FAM81A: variants seen among roughly 807,000 people sequenced by gnomAD.
FAM81A encodes family with sequence similarity 81 member A, also known as protein FAM81A.
In FAM81A, 19 loss-of-function variants were observed where a neutral mutation model predicts 46.7. The observed-to-expected ratio is 0.41, with a 90% CI of 0.28 to 0.60. The LOEUF (loss-of-function observed/expected upper bound fraction) is 0.60. Among genes scored for constraint, FAM81A ranks in the 20% least tolerant of loss-of-function variants. The pLI is 0.34. For missense variants in FAM81A, 377 were observed against 453.5 expected, an observed-to-expected ratio of 0.83 and a Z score of 1.53; for synonymous variants, 183 against 152.9, an observed-to-expected ratio of 1.20 and a Z score of -1.45.
intron 4 of FAM81A, among the ~76,000 whole-genome samples, chr15:59,497,031 C>T (rs1333140530): frequency 6.6e-6 from 1 of 151,474 alleles, no homozygotes; most frequent in East Asian, 2.0e-4. Context: ...GAGGCTGAGG[C>T]AGGAGAATCG....
At chr15:59,514,529 T>A in intron 7 of FAM81A, 105 bp downstream of exon 7, 1 of 1,386,250 alleles carries the variant, frequency 7.2e-7, no homozygotes, top group Non-Finnish European at 9.7e-7. Flanking sequence ...GCTGTTCAAT[T>A]GTTTCTTGCC....
intron 3 of FAM81A, among the ~76,000 whole-genome samples, chr15:59,490,682 A>C (rs1170939259): frequency 6.6e-6 from 1 of 152,092 alleles, no homozygotes; most frequent in Non-Finnish European, 1.5e-5. Flanking sequence ...AAATACAAAA[A>C]AAATTTAGCC....
At chr15:59,412,078 G>A (rs187587845) in intron 2 of FAM81A, among the ~76,000 whole-genome samples, 2,064 of 152,068 alleles carry the variant, frequency 0.014, 27 homozygotes, top group Non-Finnish European at 0.021. Context: ...GAGGGGCAGA[G>A]GGGAGAGGCC....
At chr15:59,424,713 G>A (rs2081188036) in intron 2 of FAM81A, among the ~76,000 whole-genome samples, 2 of 152,112 alleles carry the variant, frequency 1.3e-5, no homozygotes, top group South Asian at 4.1e-4. Context: ...CTCTTTTCCT[G>A]CATCACAAGT....
intron 2 of FAM81A, among the ~76,000 whole-genome samples, chr15:59,418,624 C>G (rs1324423700): frequency 5.3e-5 from 8 of 152,112 alleles, no homozygotes; most frequent in Admixed American, 1.3e-4. Flanking sequence ...TTCATGTTAC[C>G]CAGGCATGGT....
Position 59,518,243 on chromosome 15 carries a change from G to T in FAM81A, c.982+1403G>T, listed in dbSNP as rs889403846. 4.5e-4 allele frequency among the ~76,000 whole-genome samples: 68 copies of T among 151,544 alleles called. 1 individual carries two copies. The highest frequency in any genetic ancestry group is 1.6e-3 in the African/African-American group (64 of 41,244). On this transcript the variant is annotated intron_variant, in intron 8 of 8. Coordinates refer to ENST00000288228, the MANE Select transcript of FAM81A (RefSeq NM_152450.3). ...TCCTCCCGCCTCGGCCTGCTGAAGT[G>T]CTGGGATTACAGGCAAGAGCCACCA...
intron 3 of FAM81A, among the ~76,000 whole-genome samples, chr15:59,466,833 T>G (rs2141664561): frequency 6.6e-6 from 1 of 152,186 alleles, no homozygotes; most frequent in South Asian, 2.1e-4. Flanking sequence ...GTTTTTAGGG[T>G]TTTTAGGTCT....
At chr15:59,484,402 C>T (rs2081892262) in intron 3 of FAM81A, among the ~76,000 whole-genome samples, 1 of 152,164 alleles carries the variant, frequency 6.6e-6, no homozygotes, top group Non-Finnish European at 1.5e-5. Flanking sequence ...AACCAAAAAG[C>T]AGGTAAGCGA....
At chr15:59,455,221 T>C (rs1383014122) in intron 1 of FAM81A, among the ~76,000 whole-genome samples, 1 of 152,128 alleles carries the variant, frequency 6.6e-6, no homozygotes, top group Non-Finnish European at 1.5e-5. Flanking sequence ...CTTACTTCTT[T>C]CCATTCTTTT....
At chr15:59,434,158 T>A (rs2081233173), upstream of FAM81A, among the ~76,000 whole-genome samples, 1 of 152,184 alleles carries the variant, frequency 6.6e-6, no homozygotes, top group African/African-American at 2.4e-5. Flanking sequence ...ACTGGCCCGA[T>A]GAAACATTTT....
intron 3 of FAM81A, among the ~76,000 whole-genome samples, chr15:59,465,022 T>G (rs574433141): frequency 3.9e-4 from 60 of 152,196 alleles, no homozygotes; most frequent in Non-Finnish European, 7.5e-4. Context: ...AGTTTAATTC[T>G]TTTGCATATG....
chr15:59,486,527 C>G (rs574986599), intron 3 of FAM81A, among the ~76,000 whole-genome samples: 2 of 151,992 alleles, frequency 1.3e-5, no homozygotes, highest in South Asian at 4.2e-4. Flanking sequence ...AATTCAAGTA[C>G]AAGAAATCAA....
At chr15:59,434,776 G>A (rs1356811030), upstream of FAM81A, among the ~76,000 whole-genome samples, 1 of 152,198 alleles carries the variant, frequency 6.6e-6, no homozygotes, top group Non-Finnish European at 1.5e-5. Flanking sequence ...ACAAAACAAA[G>A]TGCTAACTCT....
At position 59,460,290 on chromosome 15, in the gene FAM81A, C is replaced by A. The variant is rs2081536318; in HGVS notation, c.294+84C>A. ...GGAGGTCACCCACATCTAACTCCTACCTCCCAGGCAGTACTGCATTTAGAA... is the reference window on the plus strand; with the variant it reads ...GGAGGTCACCCACATCTAACTCCTAACTCCCAGGCAGTACTGCATTTAGAA... On this transcript the variant is annotated intron_variant, in intron 3 of 8. Coordinates refer to ENST00000288228, the MANE Select transcript of FAM81A (RefSeq NM_152450.3). This position sits in a 1 kb window ranked among gnomAD's most constrained non-coding sequence, Gnocchi z 4.4. 1.3e-6 allele frequency: 2 copies of A among 1,550,482 alleles called. No homozygotes were observed. The highest frequency in any genetic ancestry group is 1.8e-6 in the Non-Finnish European group (2 of 1,124,414).
In FAM81A at chr15:59,503,565, A is replaced by G. The variant is rs114715739; in HGVS notation, c.414-3648A>G. ...TGCTACATCTATGTACTATAAGTCA[A>G]TGTATTTAGCCACTATTTTTTTTTT... On this transcript the variant is annotated intron_variant, in intron 4 of 8. Coordinates refer to ENST00000288228, the MANE Select transcript of FAM81A (RefSeq NM_152450.3). 4.1e-3 allele frequency among the ~76,000 whole-genome samples: 622 copies of G among 151,748 alleles called. 6 individuals are homozygous for G. Among genetic ancestry groups the G allele is most frequent in the African/African-American group, 0.015 (600 of 41,302 alleles).
intron 3 of FAM81A, among the ~76,000 whole-genome samples, chr15:59,464,920 TTTC>T (rs2141658573): frequency 6.6e-6 from 1 of 152,332 alleles, no homozygotes; most frequent in Non-Finnish European, 1.5e-5. Context: ...TCCCCTATGT[TTTC>T]TTCTAGTAGT....
intron 8 of FAM81A, among the ~76,000 whole-genome samples, chr15:59,517,658 G>GT (rs1218616590): frequency 1.3e-5 from 2 of 152,084 alleles, no homozygotes; most frequent in Non-Finnish European, 2.9e-5. Flanking sequence ...AAAAGTGCTA[G>GT]TTATCCCTAG....
At chr15:59,501,195 A>G (rs1057116699) in intron 4 of FAM81A, among the ~76,000 whole-genome samples, 8 of 152,148 alleles carry the variant, frequency 5.3e-5, no homozygotes, top group African/African-American at 1.9e-4. Context: ...ATCCTGTAAT[A>G]TGAAGCCTCT....
chr15:59,440,952 G>T (rs1290099465), intron 1 of FAM81A, among the ~76,000 whole-genome samples: 1 of 152,086 alleles, frequency 6.6e-6, no homozygotes, highest in African/African-American at 2.4e-5. Context: ...AAAGACCTTT[G>T]GACAGGTTCC....
Sources: gnomAD v4.1 joint callset for allele counts (sites outside exome capture counted in the v4.1 genomes callset) on GRCh38, gnomAD v4.1.1 for gene constraint, Gnocchi (gnomAD v3.1) non-coding constraint, MANE v1.5 for transcripts, NCBI Gene and HGNC (gene_info 2026-07-23, HGNC 2026-07-21) for gene names.